Variants in TMEM131L observed in about 807,000 individuals in gnomAD.
The protein encoded by TMEM131L is transmembrane protein 131-like.
TMEM131L carries 54 observed loss-of-function variants against 192.2 expected under a neutral mutation model. The ratio of observed to expected loss-of-function variants is 0.28; its 90% CI spans 0.23 to 0.35. TMEM131L has a LOEUF of 0.35. TMEM131L is among the 10% of genes least tolerant of loss of function. TMEM131L has a pLI of 1.00. For missense variants in TMEM131L, 1,888 were observed against 1,972.9 expected (o/e 0.96, Z 0.82); for synonymous variants, 701 against 704.9 (o/e 0.99, Z 0.09).
intron 29 of TMEM131L, among the ~76,000 whole-genome samples, chr4:153,623,331 A>G: frequency 6.6e-6 from 1 of 151,942 alleles, no homozygotes; most frequent in East Asian, 1.9e-4. Context: ...GAGCTTCTGT[A>G]TTTAGTTTGT....
intron 3 of TMEM131L, among the ~76,000 whole-genome samples, chr4:153,549,660 G>A (rs193201169): frequency 1.3e-5 from 2 of 152,210 alleles, no homozygotes; most frequent in African/African-American, 4.8e-5. Flanking sequence ...CCAGCTATGC[G>A]ACACTGTCCT....
intron 3 of TMEM131L, among the ~76,000 whole-genome samples, chr4:153,513,746 C>T (rs1304557825): frequency 6.6e-6 from 1 of 152,082 alleles, no homozygotes; most frequent in East Asian, 1.9e-4. Flanking sequence ...AATGTCAAAA[C>T]ATTAAAAGAT....
chr4:153,558,677 T>G (rs1335142562), intron 7 of TMEM131L: 1 of 165,122 alleles, frequency 6.1e-6, no homozygotes, highest in East Asian at 1.6e-4. Context: ...CTCTGTTTCC[T>G]TGGGGCATGT....
At chr4:153,568,547 T>C (rs868276088) in intron 7 of TMEM131L, among the ~76,000 whole-genome samples, 2 of 152,250 alleles carry the variant, frequency 1.3e-5, no homozygotes, top group African/African-American at 4.8e-5. Context: ...TTTTCTGTAC[T>C]AGATTTAACC....
intron 7 of TMEM131L, among the ~76,000 whole-genome samples, chr4:153,569,627 A>C (rs1252984153): frequency 6.6e-6 from 1 of 152,248 alleles, no homozygotes; most frequent in Non-Finnish European, 1.5e-5. Flanking sequence ...ATTCCAAACC[A>C]GACCACCTGG....
In TMEM131L at chr4:153,635,460, C is replaced by T. The variant is rs774898757; in HGVS notation, c.4446C>T (p.Pro1482=). The change falls in exon 34 of 35, where the codon CCC becomes CCT. Residue 1482 remains proline, a synonymous_variant. Transcript: ENST00000409959. ...ACATGAACTATGCCAATGGCTTCCC[C>T]TGTCCTGCAGATGTTCAGACAGACT... ...EENMNYANGF[P]CPADVQTDFI... The T allele has an allele frequency of 4.3e-6, 7 of 1,614,072 alleles. No homozygotes were observed. The highest frequency in any genetic ancestry group is 1.3e-5 in the African/African-American group (1 of 75,046).
At position 153,494,566 on chromosome 4, in the gene TMEM131L, C is replaced by T. The variant is rs1410034460; in HGVS notation, c.239+20678C>T. ...TGGGGAAACTCACAATAAGGGGAAA[C>T]AGACGTTTAGACATAACTATCTTTA... On this transcript the variant is annotated intron_variant, in intron 3 of 34. Transcript: ENST00000409959. Among the ~76,000 whole-genome samples the T allele has an allele frequency of 2.0e-5, 3 of 152,116 alleles. No individual in the cohort carries two copies. The East Asian group carries it at 5.8e-4, about 29-fold the overall frequency.
rs540605379 is a variant in TMEM131L at position 153,602,461 on chromosome 4, TATG to T, written c.2454-77_2454-75del. On this transcript the variant is annotated intron_variant, in intron 22 of 34. Coordinates refer to ENST00000409959, the MANE Select transcript of TMEM131L (RefSeq NM_001131007.2). ...AATGTAAATATTTCTTTTGTAGGAG[TATG>T]ATGTGTTGTCATTATTTTGCCTTGT... 3.4e-3 allele frequency: 5,145 copies of T among 1,520,518 alleles called. 11 individuals are homozygous for T. The highest frequency in any genetic ancestry group is 4.1e-3 in the Non-Finnish European group (4,516 of 1,102,172). 94.2% of individuals were successfully genotyped at this position (1,520,518 alleles called of 1,614,324 possible). A position where few individuals can be genotyped will look rare whatever the true frequency, so the allele number is the denominator to read the frequency against.
Position 153,493,345 on chromosome 4 carries a change from C to CAAA in TMEM131L, c.239+19477_239+19479dup, listed in dbSNP as rs35052272. Among the ~76,000 whole-genome samples the CAAA allele has an allele frequency of 4.2e-3, 304 of 72,846 alleles. 6 individuals are homozygous for CAAA. Among genetic ancestry groups the CAAA allele is most frequent in the African/African-American group, 0.019 (290 of 15,080 alleles). The allele number at this position is 72,846 out of a possible 152,430, so 47.8% of individuals were successfully genotyped here. ...TGGGTGACAGAGTGAGACTCTGTCTCAAAAAAAAAAAAAAAAAAAAAAGAT... is the reference window on the plus strand; with the variant it reads ...TGGGTGACAGAGTGAGACTCTGTCTCAAAAAAAAAAAAAAAAAAAAAAAAAGAT... On this transcript the variant is annotated intron_variant, in intron 3 of 34. Coordinates refer to ENST00000409959, the MANE Select transcript of TMEM131L (RefSeq NM_001131007.2).
chr4:153,545,979 G>T (rs1055162089), intron 3 of TMEM131L, among the ~76,000 whole-genome samples: 1 of 152,020 alleles, frequency 6.6e-6, no homozygotes, highest in Non-Finnish European at 1.5e-5. Flanking sequence ...GAACTCCTGG[G>T]CTCAAGGGAT....
rs375494828 is a variant in TMEM131L at position 153,468,557 on chromosome 4, G to T, written c.195+1276G>T. On this transcript the variant is annotated intron_variant, in intron 2 of 34. Transcript: ENST00000409959. Reference sequence around the variant, plus strand: ...CTACTGCAAGAACGACATTTAACGCGATGTATTTATTTTAAAAAAATTATG... The same window carrying T: ...CTACTGCAAGAACGACATTTAACGCTATGTATTTATTTTAAAAAAATTATG... Among the ~76,000 whole-genome samples, 6 of 152,242 alleles carry T rather than the reference G, an allele frequency of 3.9e-5. No homozygotes were observed. In the East Asian group the frequency reaches 5.8e-4, roughly 15 times the overall value.
chr4:153,553,575 T>C (rs1330676209), intron 4 of TMEM131L, among the ~76,000 whole-genome samples: 2 of 152,150 alleles, frequency 1.3e-5, no homozygotes, highest in Non-Finnish European at 2.9e-5. Context: ...AGTAAAACTT[T>C]AGCCTGAGGG....
chr4:153,601,307 G>T (rs1731823980), intron 21 of TMEM131L, among the ~76,000 whole-genome samples: 1 of 152,118 alleles, frequency 6.6e-6, no homozygotes, highest in Non-Finnish European at 1.5e-5. Flanking sequence ...TGAGGTTGGA[G>T]GATTGCTTGA....
intron 20 of TMEM131L, among the ~76,000 whole-genome samples, chr4:153,597,921 A>G (rs555395429): frequency 1.3e-5 from 2 of 152,148 alleles, no homozygotes; most frequent in East Asian, 3.9e-4. Flanking sequence ...TGGCAGAGCA[A>G]CATCCTATCT....
intron 3 of TMEM131L, among the ~76,000 whole-genome samples, chr4:153,545,375 C>T (rs1015634568): frequency 2.0e-5 from 3 of 150,898 alleles, no homozygotes; most frequent in Non-Finnish European, 4.4e-5. Context: ...GAAAGCTCCG[C>T]CTCCCGGGTT....
chr4:153,541,040 A>G (rs894360254), intron 3 of TMEM131L, among the ~76,000 whole-genome samples: 2 of 152,238 alleles, frequency 1.3e-5, no homozygotes, highest in Admixed American at 6.5e-5. Context: ...TGCAGATGTT[A>G]TAATCACATT....
intron 26 of TMEM131L, 111 bp downstream of exon 26, chr4:153,612,511 C>T (rs754499186): frequency 2.2e-5 from 18 of 804,072 alleles, no homozygotes; most frequent in African/African-American, 7.2e-5. Context: ...ATATTAATAA[C>T]TGGTGAGTTT....
intron 3 of TMEM131L, among the ~76,000 whole-genome samples, chr4:153,532,984 C>CTTTTT (rs70963190): frequency 5.4e-5 from 7 of 129,682 alleles, no homozygotes; most frequent in African/African-American, 1.7e-4. Flanking sequence ...TTTCTCAATT[C>CTTTTT]TTTTTTTTTT....
intron 14 of TMEM131L, among the ~76,000 whole-genome samples, chr4:153,587,524 G>C (rs1730777240): frequency 6.6e-6 from 1 of 152,054 alleles, no homozygotes; most frequent in Non-Finnish European, 1.5e-5. Context: ...TATTGTCATT[G>C]ATTATTGTGC....
Sources: allele counts gnomAD v4.1 joint callset (sites outside exome capture counted in the v4.1 genomes callset), GRCh38; gene constraint gnomAD v4.1.1; transcripts MANE v1.5; gene names NCBI Gene and HGNC (gene_info 2026-07-23, HGNC 2026-07-21).